Variants in NET1 observed in about 807,000 individuals in gnomAD.
NET1 encodes neuroepithelial cell-transforming gene 1 protein.
Under a neutral mutation model 61.1 loss-of-function variants are expected in NET1, and 42 were observed. That is an observed-to-expected ratio of 0.69 (90% CI 0.54 to 0.89). The LOEUF (loss-of-function observed/expected upper bound fraction) is 0.89. Ranked by LOEUF, NET1 falls within the 40% of genes least tolerant of loss-of-function variation. The probability of loss-of-function intolerance (pLI) is 0.00; values close to 1 mark genes in which losing one functional copy is unlikely to be tolerated. For missense variants in NET1, 654 were observed against 747.3 expected, an observed-to-expected ratio of 0.88 and a Z score of 1.46; for synonymous variants, 254 against 281.8, an observed-to-expected ratio of 0.90 and a Z score of 0.99.
Position 5,439,782 on chromosome 10 carries a change from C to T in NET1, c.255+10553C>T, listed in dbSNP as rs746394954. On this transcript the variant is annotated intron_variant, in intron 3 of 11. Coordinates refer to ENST00000355029, the MANE Select transcript of NET1 (RefSeq NM_001047160.3). This position sits in a 1 kb window ranked among gnomAD's most constrained non-coding sequence, Gnocchi z 4.8. The stretch of plus-strand genomic sequence containing the variant: ...ACAGCATCTTTGTCTACCATAAATA[C>T]CCAACCTTGATGTGATATACCAGGT... Among the ~76,000 whole-genome samples, 3 of 152,238 alleles carry T rather than the reference C, an allele frequency of 2.0e-5. No homozygotes were observed. Among genetic ancestry groups the T allele is most frequent in the Non-Finnish European group, 4.4e-5 (3 of 68,044 alleles).
In NET1 at chr10:5,438,537, A is replaced by G. The variant is rs370352407; in HGVS notation, c.255+9308A>G. Among the ~76,000 whole-genome samples, 148 of 152,332 alleles carry G rather than the reference A, an allele frequency of 9.7e-4. 3 individuals carry two copies. Among genetic ancestry groups the G allele is most frequent in the South Asian group, 8.5e-3 (41 of 4,828 alleles). ...GAAACACACAATCTACCAAGACTGA[A>G]TCATGGAGAGAAAATCTGACTAAAC... On this transcript the variant is annotated intron_variant, in intron 3 of 11. Coordinates refer to ENST00000355029, the MANE Select transcript of NET1 (RefSeq NM_001047160.3).
Position 5,447,894 on chromosome 10 carries a change from C to T in NET1, c.256-3936C>T, listed in dbSNP as rs1832642511. ...ATCCTGCAGCTTATCATCTGTTGGG[C>T]CCATAGAAGCTGGCCTTTGTTTAGT... On this transcript the variant is annotated intron_variant, in intron 3 of 11. Transcript: ENST00000355029. The surrounding 1 kb of genome is among the most constrained non-coding windows in gnomAD (Gnocchi z 4.1). Among the ~76,000 whole-genome samples, 3 of 152,196 alleles carry T rather than the reference C, an allele frequency of 2.0e-5. No individual in the cohort carries two copies. Among genetic ancestry groups the T allele is most frequent in the Admixed American group, 6.5e-5 (1 of 15,290 alleles).
At position 5,412,732 on chromosome 10, in the gene NET1, C is replaced by T. The variant is rs1045722841; in HGVS notation, c.40C>T (p.Arg14Trp). 8 of 1,479,672 alleles carry T rather than the reference C, an allele frequency of 5.4e-6. No homozygotes were observed. The Admixed American group carries it at 1.7e-4, about 32-fold the overall frequency. 91.7% of individuals were successfully genotyped at this position (1,479,672 alleles called of 1,614,324 possible). A position where few individuals can be genotyped will look rare whatever the true frequency, so the allele number is the denominator to read the frequency against. ...GGCGGCTCAGAAGCAGCCTCGACCG[C>T]GGAGGCGAAGCCGCCGGGCCTCTGG... Reference protein sequence around the residue: ...ELAAQKQPRPRRRSRRASGLS... With the variant: ...ELAAQKQPRPWRRSRRASGLS... Residue 14 changes from arginine (R) to tryptophan (W), a missense_variant, in exon 1 of 12, where the codon CGG becomes TGG. Coordinates refer to ENST00000355029, the MANE Select transcript of NET1 (RefSeq NM_001047160.3). The surrounding 1 kb of genome is among the most constrained non-coding windows in gnomAD (Gnocchi z 6.5).
rs1368162545 is a variant in NET1 at position 5,420,530 on chromosome 10, C to A, written c.129-6125C>A. Among the ~76,000 whole-genome samples, 1 of 152,166 alleles carries A rather than the reference C, an allele frequency of 6.6e-6. No homozygotes were observed. Among genetic ancestry groups the A allele is most frequent in the African/African-American group, 2.4e-5 (1 of 41,432 alleles). ...TAGATATTCCCTACAATATGACAGG[C>A]CTCTTAACGTCTTTCTCCTCACCTC... On this transcript the variant is annotated intron_variant, in intron 1 of 11. Coordinates refer to ENST00000355029, the MANE Select transcript of NET1 (RefSeq NM_001047160.3). The surrounding 1 kb of genome is among the most constrained non-coding windows in gnomAD (Gnocchi z 5.3).
chr10:5,442,771 G>GGA (rs1832542732), intron 3 of NET1, among the ~76,000 whole-genome samples: 2 of 151,904 alleles, frequency 1.3e-5, no homozygotes, highest in African/African-American at 4.8e-5. Flanking sequence ...GGCACACTCG[G>GGA]GAGGCTGAGG....
chr10:5,420,808 A>G lies in NET1; in HGVS notation c.129-5847A>G, dbSNP rs1019539721. Among the ~76,000 whole-genome samples, 3 of 151,862 alleles carry G rather than the reference A, an allele frequency of 2.0e-5. No homozygotes were observed. Among genetic ancestry groups the G allele is most frequent in the Admixed American group, 1.3e-4 (2 of 15,258 alleles). On this transcript the variant is annotated intron_variant, in intron 1 of 11. Transcript: ENST00000355029. The surrounding 1 kb of genome is among the most constrained non-coding windows in gnomAD (Gnocchi z 5.3). ...ACGGGGTTTCACCATGTTGGCCAGG[A>G]TGGTTTTGATCTCCTGACCTCGTGA...
chr10:5,451,952 G>T lies in NET1; in HGVS notation c.363+15G>T. The T allele has an allele frequency of 6.3e-7, 1 of 1,590,930 alleles. No homozygotes were observed. On this transcript the variant is annotated intron_variant, in intron 4 of 11. Transcript: ENST00000355029. This position sits in a 1 kb window ranked among gnomAD's most constrained non-coding sequence, Gnocchi z 6.1. ...AAACAATACAGGTAAAAAGAGAGGA[G>T]GAAGAGTAATGTAGTCAGCGGACTT...
Position 5,427,049 on chromosome 10 carries a change from C to CT in NET1, c.195+335dup, listed in dbSNP as rs918893323. Among the ~76,000 whole-genome samples, 1 of 151,722 alleles carries CT rather than the reference C, an allele frequency of 6.6e-6. No individual in the cohort carries two copies. The highest frequency in any genetic ancestry group is 1.5e-5 in the Non-Finnish European group (1 of 67,916). On this transcript the variant is annotated intron_variant, in intron 2 of 11. Transcript: ENST00000355029. This position sits in a 1 kb window ranked among gnomAD's most constrained non-coding sequence, Gnocchi z 4.1. ...ATTATTTTTATACATCCTCTACTGC[C>CT]TTTTTTTCTTGGTTGAAAATATAAA...
chr10:5,426,255 T>A lies in NET1; in HGVS notation c.129-400T>A, dbSNP rs1036669731. Among the ~76,000 whole-genome samples, 1 of 152,212 alleles carries A rather than the reference T, an allele frequency of 6.6e-6. No individual in the cohort carries two copies. Among genetic ancestry groups the A allele is most frequent in the Non-Finnish European group, 1.5e-5 (1 of 68,018 alleles). ...AGAGTATCCTTTTATTTTTGTTTTT[T>A]AAAATACTATACGTGAATATGTTGC... is the stretch of plus-strand genomic sequence containing the variant. On this transcript the variant is annotated intron_variant, in intron 1 of 11. Transcript: ENST00000355029. This position sits in a 1 kb window ranked among gnomAD's most constrained non-coding sequence, Gnocchi z 4.6.
At position 5,421,892 on chromosome 10, in the gene NET1, T is replaced by A. The variant is rs1441703474; in HGVS notation, c.129-4763T>A. 1.3e-5 allele frequency among the ~76,000 whole-genome samples: 2 copies of A among 152,240 alleles called. No individual in the cohort carries two copies. Among genetic ancestry groups the A allele is most frequent in the Admixed American group, 1.3e-4 (2 of 15,288 alleles). On this transcript the variant is annotated intron_variant, in intron 1 of 11. Coordinates refer to ENST00000355029, the MANE Select transcript of NET1 (RefSeq NM_001047160.3). This position sits in a 1 kb window ranked among gnomAD's most constrained non-coding sequence, Gnocchi z 4.2. ...ATGTGTAGTCTTTCTGCTTCTGCCT[T>A]CTTTCACTTACATCAGTATTTCATT...
rs1344243116 is a variant in NET1, at chr10:5,421,741, C to G, written c.129-4914C>G. Among the ~76,000 whole-genome samples, 1 of 152,204 alleles carries G rather than the reference C, an allele frequency of 6.6e-6. No homozygotes were observed. The highest frequency in any genetic ancestry group is 1.5e-5 in the Non-Finnish European group (1 of 68,040). ...TTATAGAGTTGTGCAGTCATTACCA[C>G]AATCCATTGTTAGAACATTTCATCA... On this transcript the variant is annotated intron_variant, in intron 1 of 11. Transcript: ENST00000355029. The surrounding 1 kb of genome is among the most constrained non-coding windows in gnomAD (Gnocchi z 4.2).
intron 1 of NET1, among the ~76,000 whole-genome samples, chr10:5,418,883 T>A (rs1237757258): frequency 2.0e-5 from 3 of 152,226 alleles, no homozygotes; most frequent in Non-Finnish European, 4.4e-5. Context: ...ATCATTAATC[T>A]CAAATTCTGA....
intron 3 of NET1, among the ~76,000 whole-genome samples, chr10:5,434,566 C>T (rs1360277344): frequency 6.6e-6 from 1 of 152,180 alleles, no homozygotes; most frequent in Non-Finnish European, 1.5e-5. Context: ...CCCGTGCCTT[C>T]CCTCTGCCTC....
rs564865346 is a variant in NET1 at position 5,450,875 on chromosome 10, G to A, written c.256-955G>A. 3.3e-5 allele frequency among the ~76,000 whole-genome samples: 5 copies of A among 152,156 alleles called. No homozygotes were observed. The South Asian group carries it at 1.0e-3, about 32-fold the overall frequency. On this transcript the variant is annotated intron_variant, in intron 3 of 11. Transcript: ENST00000355029. The stretch of plus-strand genomic sequence containing the variant: ...TTCAAAATCCTTGAATAAGTGATGT[G>A]TTTGCTATATTATTATTTAAAAGCA...
chr10:5,430,875 CTT>C (rs71294427), intron 3 of NET1, among the ~76,000 whole-genome samples: 7 of 137,660 alleles, frequency 5.1e-5, no homozygotes, highest in Admixed American at 2.9e-4. Flanking sequence ...AACTATATCT[CTT>C]TTTTTTTTTT....
rs1045573806 is a variant in NET1, at chr10:5,441,223, G to A, written c.256-10607G>A. Reference sequence around the variant, plus strand: ...TCCGTTAGTCAACAAGTGGCCTTTCGGGTGTCCATCCCACACACCCGTGGC... The same window carrying A: ...TCCGTTAGTCAACAAGTGGCCTTTCAGGTGTCCATCCCACACACCCGTGGC... On this transcript the variant is annotated intron_variant, in intron 3 of 11. Coordinates refer to ENST00000355029, the MANE Select transcript of NET1 (RefSeq NM_001047160.3). This position sits in a 1 kb window ranked among gnomAD's most constrained non-coding sequence, Gnocchi z 4.6. Among the ~76,000 whole-genome samples, 16 of 152,146 alleles carry A rather than the reference G, an allele frequency of 1.1e-4. No homozygotes were observed. Among genetic ancestry groups the A allele is most frequent in the East Asian group, 3.9e-4 (2 of 5,192 alleles).
At position 5,455,472 on chromosome 10, in the gene NET1, A is replaced by G. The variant is rs540023397; in HGVS notation, c.1197+354A>G. On this transcript the variant is annotated intron_variant, in intron 10 of 11. Coordinates refer to ENST00000355029, the MANE Select transcript of NET1 (RefSeq NM_001047160.3). This position sits in a 1 kb window ranked among gnomAD's most constrained non-coding sequence, Gnocchi z 6.5. ...TTATGAAAGTGGTTTTTCGCACTACATAACAAATTTCTGAAGCAGATTGAA... is the reference window on the plus strand; with the variant it reads ...TTATGAAAGTGGTTTTTCGCACTACGTAACAAATTTCTGAAGCAGATTGAA... 1.3e-5 allele frequency among the ~76,000 whole-genome samples: 2 copies of G among 152,372 alleles called. No homozygotes were observed. Among genetic ancestry groups the G allele is most frequent in the East Asian group, 1.9e-4 (1 of 5,190 alleles).
In NET1 at chr10:5,412,792, G is replaced by T. The variant is rs1427861719; in HGVS notation, c.100G>T (p.Asp34Tyr). The change falls in exon 1 of 12, where the codon GAC becomes TAC. Residue 34 changes from aspartate (D) to tyrosine (Y), a missense_variant. Transcript: ENST00000355029. The surrounding 1 kb of genome is among the most constrained non-coding windows in gnomAD (Gnocchi z 6.5). ...STEGATGPSA[D>Y]TSGSELDGRC... ...GGAGGGAGCGACGGGGCCTTCGGCC[G>T]ACACCTCCGGGTCGGAGCTGGACGG... 4.8e-6 allele frequency: 7 copies of T among 1,452,166 alleles called. No homozygotes were observed. Among genetic ancestry groups the T allele is most frequent in the African/African-American group, 1.5e-5 (1 of 67,422 alleles). 90.0% of individuals were successfully genotyped at this position (1,452,166 alleles called of 1,614,324 possible).
rs2119164262 is a variant in NET1 at position 5,417,900 on chromosome 10, CT to C, written c.128+5084del. On this transcript the variant is annotated intron_variant, in intron 1 of 11. Transcript: ENST00000355029. This position sits in a 1 kb window ranked among gnomAD's most constrained non-coding sequence, Gnocchi z 5.5. ...CATGAAAGGTTTTAGGGTTTTTTTTCTTTTGTCTATTGAAATGATCATGTGG... is the reference window on the plus strand; with the variant it reads ...CATGAAAGGTTTTAGGGTTTTTTTTCTTTGTCTATTGAAATGATCATGTGG... Among the ~76,000 whole-genome samples the C allele has an allele frequency of 6.6e-6, 1 of 151,760 alleles. No homozygotes were observed. Among genetic ancestry groups the C allele is most frequent in the South Asian group, 2.1e-4 (1 of 4,808 alleles).
Sources: gnomAD v4.1 joint callset for allele counts (sites outside exome capture counted in the v4.1 genomes callset) on GRCh38, gnomAD v4.1.1 for gene constraint, Gnocchi (gnomAD v3.1) non-coding constraint, MANE v1.5 for transcripts, NCBI Gene and HGNC (gene_info 2026-07-23, HGNC 2026-07-21) for gene names.